Variants in MARCHF1 observed in about 807,000 individuals in gnomAD.
The protein encoded by MARCHF1 is membrane associated ring-CH-type finger 1.
In MARCHF1, 40 loss-of-function variants were observed where a neutral mutation model predicts 54.2. The observed-to-expected ratio is 0.74, with a 90% CI of 0.57 to 0.96. MARCHF1 has a LOEUF of 0.96. Among genes scored for constraint, MARCHF1 ranks in the 40% least tolerant of loss-of-function variants. The pLI, the probability that MARCHF1 is intolerant of heterozygous loss-of-function variation, is 0.00. For synonymous variants in MARCHF1, 236 were observed against 236.3 expected (o/e 1.00, Z 0.01); for missense variants, 586 against 656.5 (o/e 0.89, Z 1.17).
chr4:163,864,851 C>T (rs1750016128), intron 3 of MARCHF1, among the ~76,000 whole-genome samples: 1 of 151,870 alleles, frequency 6.6e-6, no homozygotes, highest in African/African-American at 2.4e-5. Flanking sequence ...ATGGTTTAGG[C>T]ATTTATTGTA....
At chr4:163,670,441 T>G (rs1025636568) in intron 5 of MARCHF1, among the ~76,000 whole-genome samples, 1 of 151,804 alleles carries the variant, frequency 6.6e-6, no homozygotes. Flanking sequence ...CTTATATATG[T>G]GGAAAATTTT....
chr4:163,769,028 A>G (rs1466085182), intron 4 of MARCHF1, among the ~76,000 whole-genome samples: 1 of 152,172 alleles, frequency 6.6e-6, no homozygotes, highest in Non-Finnish European at 1.5e-5. Context: ...AATAAGGCCC[A>G]TTATTCCTTA....
At chr4:164,372,826 C>T (rs1348435986) in intron 1 of MARCHF1, among the ~76,000 whole-genome samples, 2 of 152,034 alleles carry the variant, frequency 1.3e-5, no homozygotes, top group African/African-American at 4.8e-5. Context: ...AAAACACTCA[C>T]TACAAAATGA....
At chr4:164,098,582 CTG>C (rs1198674650) in intron 2 of MARCHF1, among the ~76,000 whole-genome samples, 3 of 152,224 alleles carry the variant, frequency 2.0e-5, no homozygotes, top group African/African-American at 7.2e-5. Flanking sequence ...TTTAAAAACT[CTG>C]TGTGATTTGT....
chr4:164,237,015 C>T (rs1732580903), intron 1 of MARCHF1, among the ~76,000 whole-genome samples: 1 of 152,144 alleles, frequency 6.6e-6, no homozygotes, highest in Admixed American at 6.6e-5. Flanking sequence ...TTATATCTAT[C>T]ATTTGGTTCT....
rs144348819 is a variant in MARCHF1, at chr4:164,378,338, A to G, written c.-323+5532T>C. Among the ~76,000 whole-genome samples the G allele has an allele frequency of 1.7e-3, 260 of 152,344 alleles. 6 individuals are homozygous for G. In the East Asian group the frequency reaches 0.033, roughly 19 times the overall value. ...TATGAGGGGCCAAGAGCTCAGTGAG[A>G]AGTAAAAGGTGTAGCGCTCAGCTTG... On this transcript the variant is annotated intron_variant, in intron 1 of 9. Transcript: ENST00000514618.
intron 8 of MARCHF1, among the ~76,000 whole-genome samples, chr4:163,567,557 G>C (rs1365643003): frequency 1.3e-5 from 2 of 152,156 alleles, no homozygotes; most frequent in African/African-American, 4.8e-5. Context: ...GAATCATGGG[G>C]GTGGGTATTT....
intron 1 of MARCHF1, among the ~76,000 whole-genome samples, chr4:164,350,810 G>A (rs562808426): frequency 1.2e-4 from 18 of 152,162 alleles, no homozygotes; most frequent in East Asian, 3.9e-4. Context: ...CAGCGTGAGC[G>A]ACGCAGAAGA....
intron 4 of MARCHF1, among the ~76,000 whole-genome samples, chr4:163,815,915 C>G (rs992186231): frequency 6.6e-6 from 1 of 152,156 alleles, no homozygotes; most frequent in African/African-American, 2.4e-5. Flanking sequence ...ATCTTAACTT[C>G]TTTCACTTCC....
intron 2 of MARCHF1, among the ~76,000 whole-genome samples, chr4:163,992,018 T>C (rs1308505372): frequency 9.2e-6 from 1 of 108,722 alleles, no homozygotes; most frequent in Non-Finnish European, 1.7e-5. Context: ...AAGAAAAATA[T>C]GCATCTCTGG....
In MARCHF1 at chr4:163,897,292, C is replaced by A. The variant is rs533204375; in HGVS notation, c.-38-43123G>T. 2.6e-5 allele frequency among the ~76,000 whole-genome samples: 4 copies of A among 152,294 alleles called. No homozygotes were observed. In the East Asian group the frequency reaches 7.7e-4, roughly 29 times the overall value. On this transcript the variant is annotated intron_variant, in intron 3 of 9. Transcript: ENST00000514618. Reference sequence around the variant, plus strand: ...GGGATATACAACTTACTGAACCCATCATCTTTTTCTGTGGCTTGCCTAACA... The same window carrying A: ...GGGATATACAACTTACTGAACCCATAATCTTTTTCTGTGGCTTGCCTAACA...
chr4:164,247,407 T>C (rs533338349), intron 1 of MARCHF1, among the ~76,000 whole-genome samples: 1 of 150,586 alleles, frequency 6.6e-6, no homozygotes, highest in African/African-American at 2.4e-5. Flanking sequence ...AATTGAACAA[T>C]GAGATCACAT....
intron 2 of MARCHF1, among the ~76,000 whole-genome samples, chr4:164,063,140 A>G (rs1410119765): frequency 2.0e-5 from 3 of 152,270 alleles, no homozygotes; most frequent in Middle Eastern, 3.4e-3. Context: ...ACTTTGCGTA[A>G]TTCTTAAGGG....
chr4:163,550,919 G>A (rs1001439270), intron 8 of MARCHF1, among the ~76,000 whole-genome samples: 1 of 152,146 alleles, frequency 6.6e-6, no homozygotes, highest in Admixed American at 6.5e-5. Context: ...AAACTCTGGC[G>A]ATGGGGACCC....
At chr4:164,350,843 C>A (rs527919751) in intron 1 of MARCHF1, among the ~76,000 whole-genome samples, 38 of 151,906 alleles carry the variant, frequency 2.5e-4, no homozygotes, top group African/African-American at 8.2e-4. Context: ...GCATTTCCAT[C>A]TGAGGTACCG....
rs1308940951 is a variant in MARCHF1, at chr4:163,527,593, G to GGACA, written c.*1151_*1154dup. ...TGAACTTCATCTGACTTTAAAATGA[G>GGACA]GACACTTAATTTAATGCTTTTAAAA... On this transcript the variant is annotated 3_prime_UTR_variant, in exon 10 of 10. Transcript: ENST00000514618. 4.6e-5 allele frequency: 7 copies of GGACA among 151,646 alleles called. No individual in the cohort carries two copies. The Admixed American group carries it at 4.6e-4, about 10-fold the overall frequency. The allele number at this position is 151,646 out of a possible 1,614,324, so 9.4% of individuals were successfully genotyped here.
chr4:163,994,559 T>TA (rs1753030377), intron 2 of MARCHF1, among the ~76,000 whole-genome samples: 1 of 151,926 alleles, frequency 6.6e-6, no homozygotes, highest in Non-Finnish European at 1.5e-5. Flanking sequence ...CCCTAAAACT[T>TA]AAAGTATAAT....
chr4:164,265,026 T>C (rs1360549879), intron 1 of MARCHF1, among the ~76,000 whole-genome samples: 1 of 152,140 alleles, frequency 6.6e-6, no homozygotes, highest in Non-Finnish European at 1.5e-5. Flanking sequence ...TATTCCTAAT[T>C]GTAATAGCTT....
At chr4:163,797,823 T>C (rs886331124) in intron 4 of MARCHF1, among the ~76,000 whole-genome samples, 1 of 152,172 alleles carries the variant, frequency 6.6e-6, no homozygotes, top group Non-Finnish European at 1.5e-5. Flanking sequence ...CTATGCCCAA[T>C]AATTTCAACA....
Sources: allele counts gnomAD v4.1 joint callset (sites outside exome capture counted in the v4.1 genomes callset), GRCh38; gene constraint gnomAD v4.1.1; transcripts MANE v1.5; gene names NCBI Gene and HGNC (gene_info 2026-07-23, HGNC 2026-07-21).